The following RGPD2 variants were observed in gnomAD, a reference collection of about 807,000 sequenced individuals.
RGPD2 encodes the protein RANBP2 like and GRIP domain containing 2.
Under a neutral mutation model 36.0 loss-of-function variants are expected in RGPD2, and 2 were observed. The ratio of observed to expected loss-of-function variants is 0.06; its 90% CI spans 0.02 to 0.17. The LOEUF (loss-of-function observed/expected upper bound fraction) is 0.17. Among genes scored for constraint, RGPD2 ranks in the 10% least tolerant of loss-of-function variants. The pLI, the probability that RGPD2 is intolerant of heterozygous loss-of-function variation, is 1.00. For synonymous variants in RGPD2, 19 were observed against 163.8 expected (o/e 0.12, Z 6.75); for missense variants, 40 against 464.3 (o/e 0.09, Z 8.40).
chr2:87,971,552 T>A, the RGPD2 span, among the ~76,000 whole-genome samples: 1 of 144,468 alleles, frequency 6.9e-6, no homozygotes, highest in Non-Finnish European at 1.5e-5. Flanking sequence ...CTGATATATG[T>A]AAAATATTGA....
the RGPD2 span, among the ~76,000 whole-genome samples, chr2:87,986,136 CTT>C: frequency 2.5e-4 from 22 of 88,496 alleles, 1 homozygote; most frequent in Non-Finnish European, 2.6e-4. Flanking sequence ...CTGAAGACAG[CTT>C]TTTTTTTTTT....
intron 4 of RGPD2, among the ~76,000 whole-genome samples, chr2:87,813,008 C>T (rs1242954209): frequency 6.6e-6 from 1 of 150,612 alleles, no homozygotes; most frequent in East Asian, 2.0e-4. Context: ...AACGACCATA[C>T]CATCCTTCTT....
upstream of RGPD2, among the ~76,000 whole-genome samples, chr2:87,830,205 G>A (rs1306641414): frequency 1.3e-5 from 2 of 152,124 alleles, no homozygotes; most frequent in Non-Finnish European, 2.9e-5. Context: ...CCACAGCCTT[G>A]GGCAGCTCTG....
At chr2:87,868,606 C>T in the RGPD2 span, among the ~76,000 whole-genome samples, 1 of 151,170 alleles carries the variant, frequency 6.6e-6, no homozygotes, top group Non-Finnish European at 1.5e-5. Context: ...TCTCTGACTT[C>T]GTCTTTTACT....
chr2:87,855,212 G>A, the RGPD2 span, among the ~76,000 whole-genome samples: 2 of 151,948 alleles, frequency 1.3e-5, no homozygotes, highest in Non-Finnish European at 2.9e-5. Flanking sequence ...TTTTTGTGTG[G>A]ACAAACGTTT....
intron 1 of RGPD2, 56 bp downstream of exon 1, chr2:87,825,602 G>T: frequency 7.2e-7 from 1 of 1,385,882 alleles, no homozygotes; most frequent in Non-Finnish European, 9.6e-7. Flanking sequence ...GCCCGGCCAG[G>T]TCGAGGCCGC....
chr2:87,962,394 T>C, the RGPD2 span, among the ~76,000 whole-genome samples: 8 of 150,786 alleles, frequency 5.3e-5, no homozygotes, highest in Admixed American at 2.0e-4. Context: ...TTCTAAATTT[T>C]GATATAATGA....
chr2:87,890,146 TGCCC>T, the RGPD2 span, among the ~76,000 whole-genome samples: 2 of 66,540 alleles, frequency 3.0e-5, no homozygotes. Flanking sequence ...TTTTTCCTTA[TGCCC>T]ATTATATTAC....
the RGPD2 span, among the ~76,000 whole-genome samples, chr2:87,986,167 G>C: frequency 2.3e-5 from 3 of 128,678 alleles, no homozygotes; most frequent in African/African-American, 8.6e-5. Flanking sequence ...AGAGTGTCTC[G>C]CTCTGTTGCC....
At chr2:87,985,791 A>C in the RGPD2 span, 4 of 1,611,234 alleles carry the variant, frequency 2.5e-6, no homozygotes, top group South Asian at 4.4e-5. Context: ...AGTCACAAAT[A>C]AATTCCACTC....
At chr2:87,903,436 C>G in the RGPD2 span, among the ~76,000 whole-genome samples, 72 of 152,390 alleles carry the variant, frequency 4.7e-4, no homozygotes, top group African/African-American at 1.7e-3. Context: ...GGCCACCCCC[C>G]ACTTTGTATA....
chr2:87,760,992 G>A (rs1684873463), intron 22 of RGPD2, among the ~76,000 whole-genome samples: 1 of 139,664 alleles, frequency 7.2e-6, no homozygotes, highest in South Asian at 2.4e-4. Flanking sequence ...CACAGTTCTT[G>A]ACTCTTGTTC....
the RGPD2 span, among the ~76,000 whole-genome samples, chr2:87,858,145 G>C: frequency 6.6e-6 from 1 of 152,140 alleles, no homozygotes; most frequent in Admixed American, 6.5e-5. Context: ...AGGCATGGTG[G>C]TGCGTGCCTG....
chr2:87,945,132 G>A, the RGPD2 span, among the ~76,000 whole-genome samples: 30 of 152,116 alleles, frequency 2.0e-4, no homozygotes, highest in East Asian at 1.9e-3. Context: ...TTATAACATC[G>A]TTTATAATTG....
upstream of RGPD2, among the ~76,000 whole-genome samples, chr2:87,826,247 A>AAT (rs1209014742): frequency 6.6e-6 from 1 of 151,276 alleles, no homozygotes; most frequent in Non-Finnish European, 1.5e-5. Flanking sequence ...CTGATTCTAA[A>AAT]ATATACTTGT....
the RGPD2 span, among the ~76,000 whole-genome samples, chr2:87,885,227 C>T: frequency 6.6e-6 from 1 of 152,064 alleles, no homozygotes; most frequent in Non-Finnish European, 1.5e-5. Flanking sequence ...TGATATGTCA[C>T]ATCAACAGAA....
At chr2:87,846,224 C>T in the RGPD2 span, among the ~76,000 whole-genome samples, 1 of 151,720 alleles carries the variant, frequency 6.6e-6, no homozygotes, top group Non-Finnish European at 1.5e-5. Flanking sequence ...TTAAGGAGTA[C>T]AATTCAATGG....
chr2:87,842,706 A>T, the RGPD2 span, among the ~76,000 whole-genome samples: 3 of 151,846 alleles, frequency 2.0e-5, no homozygotes, highest in Non-Finnish European at 4.4e-5. Flanking sequence ...ATTGGAAAAA[A>T]CTACTTTAAA....
chr2:87,843,860 C>T, the RGPD2 span, among the ~76,000 whole-genome samples: 1 of 151,160 alleles, frequency 6.6e-6, no homozygotes, highest in African/African-American at 2.4e-5. Context: ...GGAACATATA[C>T]ACCATGGAAT....
Sources: allele counts gnomAD v4.1 joint callset (sites outside exome capture counted in the v4.1 genomes callset), GRCh38; gene constraint gnomAD v4.1.1; transcripts MANE v1.5; gene names NCBI Gene and HGNC (gene_info 2026-07-23, HGNC 2026-07-21).